ANKFY1: variants seen among roughly 807,000 people sequenced by gnomAD.
ANKFY1 encodes the protein ankyrin repeat and FYVE domain-containing protein 1.
A neutral mutation model predicts 128.3 loss-of-function variants in ANKFY1; 47 were observed. The observed-to-expected ratio is 0.37, with a 90% CI of 0.29 to 0.47. ANKFY1 has a LOEUF of 0.47. Among genes scored for constraint, ANKFY1 ranks in the 20% least tolerant of loss-of-function variants. The pLI, the probability that ANKFY1 is intolerant of heterozygous loss-of-function variation, is 1.00. For synonymous variants in ANKFY1, 553 were observed against 601.6 expected (o/e 0.92, Z 1.18); for missense variants, 1,222 against 1,510.6 (o/e 0.81, Z 3.17).
chr17:4,255,177 T>C (rs1369751880), intron 1 of ANKFY1, among the ~76,000 whole-genome samples: 1 of 151,914 alleles, frequency 6.6e-6, no homozygotes, highest in Non-Finnish European at 1.5e-5. Flanking sequence ...TTCCTTTCTC[T>C]ACACTCCTAT....
chr17:4,173,469 G>A, intron 20 of ANKFY1, 25 bp from the exon 21 acceptor site: 1 of 1,607,566 alleles, frequency 6.2e-7, no homozygotes, highest in Non-Finnish European at 8.5e-7. Flanking sequence ...CTCTTACTAT[G>A]CAAGCCCAGA....
intron 3 of ANKFY1, among the ~76,000 whole-genome samples, chr17:4,231,812 CT>C (rs1487807358): frequency 2.6e-5 from 4 of 151,780 alleles, no homozygotes; most frequent in African/African-American, 9.7e-5. Context: ...TAGCACACAC[CT>C]GTGGTCCCAG....
intron 1 of ANKFY1, among the ~76,000 whole-genome samples, chr17:4,244,088 G>A (rs542615691): frequency 2.4e-4 from 37 of 152,140 alleles, no homozygotes; most frequent in Non-Finnish European, 4.7e-4. Context: ...GCACCACCAC[G>A]CCCAGCTAAT....
intron 23 of ANKFY1, among the ~76,000 whole-genome samples, chr17:4,170,337 G>A (rs1267597655): frequency 2.0e-5 from 3 of 152,220 alleles, no homozygotes; most frequent in Non-Finnish European, 4.4e-5. Context: ...AGGGGAAGGA[G>A]AGCTGATAGG....
chr17:4,170,681 C>A (rs200896506), intron 23 of ANKFY1, 34 bp downstream of exon 23: 11 of 1,586,724 alleles, frequency 6.9e-6, no homozygotes, highest in Non-Finnish European at 9.4e-6. Context: ...TACGACTGTG[C>A]TTGCACTGTG....
In ANKFY1 at chr17:4,183,491, G is replaced by A. The variant is rs1444759590; in HGVS notation, c.1859C>T (p.Ser620Leu). 9.3e-6 allele frequency: 15 copies of A among 1,613,344 alleles called. No individual in the cohort carries two copies. The highest frequency in any genetic ancestry group is 6.7e-5 in the East Asian group (3 of 44,872). ...CATGTGCAGTAGCGTCTGCCCATCC[G>A]ACATGGTGTCATTGATGGCGGCTCC... is the stretch of plus-strand genomic sequence containing the variant. Reference protein sequence around the residue: ...GSGAAINDTMSDGQTLLHMAI... With the variant: ...GSGAAINDTMLDGQTLLHMAI... Residue 620 changes from serine to leucine, a missense_variant, in exon 14 of 25, where the codon TCG becomes TTG. Ser to Leu is a moderately radical substitution (Grantham distance 145). Coordinates refer to ENST00000341657, the MANE Select transcript of ANKFY1 (RefSeq NM_001330063.2).
chr17:4,205,756 A>T (rs1215680479), intron 7 of ANKFY1, among the ~76,000 whole-genome samples: 1 of 145,042 alleles, frequency 6.9e-6, no homozygotes, highest in Non-Finnish European at 1.5e-5. Flanking sequence ...AAAAAAAAAG[A>T]TTTAAATGTT....
At chr17:4,217,986 A>C (rs900276495) in intron 3 of ANKFY1, among the ~76,000 whole-genome samples, 2 of 152,210 alleles carry the variant, frequency 1.3e-5, no homozygotes, top group African/African-American at 4.8e-5. Context: ...ACCCAGCCTG[A>C]GTTAACATTC....
intron 16 of ANKFY1, 114 bp from the exon 17 acceptor site, chr17:4,179,991 C>T (rs1048580050): frequency 8.9e-6 from 12 of 1,342,988 alleles, no homozygotes; most frequent in Admixed American, 3.9e-5. Context: ...CTGCTGTGGC[C>T]GGGTCTGCTG....
intron 7 of ANKFY1, among the ~76,000 whole-genome samples, chr17:4,203,507 AG>A (rs2059968551): frequency 6.6e-6 from 1 of 152,284 alleles, no homozygotes; most frequent in Non-Finnish European, 1.5e-5. Context: ...TAAAAATAAC[AG>A]GAACAATCTA....
chr17:4,183,954 G>A (rs1036340161), intron 12 of ANKFY1, 44 bp from the exon 13 acceptor site: 2 of 1,523,886 alleles, frequency 1.3e-6, no homozygotes, highest in Admixed American at 1.7e-5. Flanking sequence ...GTCACCATCT[G>A]TGGATCACAC....
intron 1 of ANKFY1, among the ~76,000 whole-genome samples, chr17:4,262,721 G>A (rs1397872513): frequency 2.0e-5 from 3 of 151,862 alleles, no homozygotes; most frequent in Non-Finnish European, 2.9e-5. Context: ...TACTCCAGCC[G>A]GTGGGACAGA....
rs1344604215 is a variant in ANKFY1, at chr17:4,216,896, CAGA to C, written c.458+84_458+86del. ...CACCTTGCCAAGTTATTTACATTAGCAGAAGAAGCTGTTTTCCCAGAGCTCGGC... is the reference window on the plus strand; with the variant it reads ...CACCTTGCCAAGTTATTTACATTAGCAGAAGCTGTTTTCCCAGAGCTCGGC... On this transcript the variant is annotated intron_variant, in intron 4 of 24. Coordinates refer to ENST00000341657, the MANE Select transcript of ANKFY1 (RefSeq NM_001330063.2). 7.6e-6 allele frequency: 12 copies of C among 1,569,154 alleles called. No individual in the cohort carries two copies. The East Asian group carries it at 9.0e-5, about 12-fold the overall frequency.
In ANKFY1 at chr17:4,167,780, T is replaced by C. The variant is rs1194908144; in HGVS notation, c.3509A>G (p.Ter1170TrpextTer1). The C allele has an allele frequency of 6.2e-6, 10 of 1,612,946 alleles. No homozygotes were observed. Among genetic ancestry groups the C allele is most frequent in the South Asian group, 2.2e-5 (2 of 90,992 alleles). The change falls in exon 25 of 25, where the codon TAG (stop) becomes TGG (tryptophan). Residue 1170 changes from the stop codon to tryptophan, a stop_lost. Transcript: ENST00000341657. This position sits in a 1 kb window ranked among gnomAD's most constrained non-coding sequence, Gnocchi z 4.1. Reference sequence around the variant, plus strand: ...GGCCTGGACCCTCCGGGGGGCTCACTAAGAAACCCCACCCAGAGTCAGTAC... The same window carrying C: ...GGCCTGGACCCTCCGGGGGGCTCACCAAGAAACCCCACCCAGAGTCAGTAC... ...FDVLTLGGVS[*>W]
intron 3 of ANKFY1, among the ~76,000 whole-genome samples, chr17:4,232,149 C>A (rs550009898): frequency 6.6e-6 from 1 of 152,260 alleles, no homozygotes; most frequent in African/African-American, 2.4e-5. Flanking sequence ...CCAATAAATT[C>A]ATTAAATGAT....
chr17:4,178,773 C>T lies in ANKFY1; in HGVS notation c.2598+84G>A, dbSNP rs532732200. The T allele has an allele frequency of 8.9e-5, 118 of 1,328,504 alleles. No homozygotes were observed. In the South Asian group the frequency reaches 1.3e-3, roughly 15 times the overall value. 82.3% of individuals were successfully genotyped at this position (1,328,504 alleles called of 1,614,324 possible). A position where few individuals can be genotyped will look rare whatever the true frequency, so the allele number is the denominator to read the frequency against. On this transcript the variant is annotated intron_variant, in intron 18 of 24. Coordinates refer to ENST00000341657, the MANE Select transcript of ANKFY1 (RefSeq NM_001330063.2). The surrounding 1 kb of genome is among the most constrained non-coding windows in gnomAD (Gnocchi z 4.1). ...AACAAAGCTCTTTCCATGAGGAGAC[C>T]TGTTTAGTCGGTGACATCTGTCTAG...
intron 3 of ANKFY1, among the ~76,000 whole-genome samples, chr17:4,228,734 G>A (rs1018041697): frequency 2.0e-5 from 3 of 152,150 alleles, no homozygotes; most frequent in Non-Finnish European, 4.4e-5. Flanking sequence ...AAATGTTTAT[G>A]TTGATTGTGG....
intron 3 of ANKFY1, chr17:4,222,494 A>G: frequency 1.1e-6 from 1 of 900,632 alleles, no homozygotes; most frequent in South Asian, 1.3e-5. Flanking sequence ...CCCCAGGGCA[A>G]CATTTCTGTT....
chr17:4,179,109 A>G (rs2059462511), intron 17 of ANKFY1, 52 bp from the exon 18 acceptor site: 2 of 1,564,114 alleles, frequency 1.3e-6, no homozygotes, highest in Non-Finnish European at 1.8e-6. Context: ...AAAACTCAGG[A>G]AAAATATGAA....
Sources: gnomAD v4.1 joint callset for allele counts (sites outside exome capture counted in the v4.1 genomes callset) on GRCh38, gnomAD v4.1.1 for gene constraint, Gnocchi (gnomAD v3.1) non-coding constraint, MANE v1.5 for transcripts, NCBI Gene and HGNC (gene_info 2026-07-23, HGNC 2026-07-21) for gene names.